FBXO42: variants seen among roughly 807,000 people sequenced by gnomAD.
FBXO42 encodes the protein F-box only protein 42.
In FBXO42, 12 loss-of-function variants were observed where a neutral mutation model predicts 71.7. The observed-to-expected ratio is 0.17, with a 90% CI of 0.11 to 0.27. The LOEUF (loss-of-function observed/expected upper bound fraction) is 0.27. Among genes scored for constraint, FBXO42 ranks in the 10% least tolerant of loss-of-function variants. The probability of loss-of-function intolerance (pLI) is 1.00; values close to 1 mark genes in which losing one functional copy is unlikely to be tolerated. For synonymous variants in FBXO42, 325 were observed against 327.5 expected (o/e 0.99, Z 0.08); for missense variants, 707 against 911.9 (o/e 0.78, Z 2.89).
At chr1:16,328,290 G>C (rs1321314456) in intron 1 of FBXO42, among the ~76,000 whole-genome samples, 1 of 152,138 alleles carries the variant, frequency 6.6e-6, no homozygotes, top group East Asian at 1.9e-4. Flanking sequence ...TGTAACCTAA[G>C]TAACTTTGGA....
intron 4 of FBXO42, among the ~76,000 whole-genome samples, chr1:16,260,126 A>T (rs1386174673): frequency 6.6e-6 from 1 of 151,818 alleles, no homozygotes; most frequent in Non-Finnish European, 1.5e-5. Flanking sequence ...AATGACAATT[A>T]TTGTTACTAT....
Position 16,315,153 on chromosome 1 carries a change from C to G in FBXO42, c.250+16G>C. The G allele has an allele frequency of 6.3e-7, 1 of 1,581,238 alleles. No individual in the cohort carries two copies. Among genetic ancestry groups the G allele is most frequent in the African/African-American group, 1.4e-5 (1 of 73,832 alleles). On this transcript the variant is annotated intron_variant, in intron 2 of 9. Transcript: ENST00000375592. The stretch of plus-strand genomic sequence containing the variant: ...ATTTGAAATCAATAAATAAACCTTT[C>G]TCCTATCCACAGTACCTTTGATAAG...
chr1:16,255,867 C>T (rs374043388), intron 5 of FBXO42, 46 bp from the exon 6 acceptor site: 4 of 1,371,442 alleles, frequency 2.9e-6, no homozygotes, highest in Non-Finnish European at 4.1e-6. Context: ...GCACCACACA[C>T]TTTATGTAAA....
At chr1:16,350,753 A>AGAAGAAAGAAAGAAAGAAAGAAAGAAAG (rs1553156680) in intron 1 of FBXO42, among the ~76,000 whole-genome samples, 1 of 28,872 alleles carries the variant, frequency 3.5e-5, no homozygotes, top group Non-Finnish European at 6.3e-5. Context: ...CAAAAAAAAA[A>AGAAGAAAGAAAGAAAGAAAGAAAGAAAG]AAAAAAAGAA....
At chr1:16,259,323 A>C (rs10489599) in intron 4 of FBXO42, among the ~76,000 whole-genome samples, 1 of 152,068 alleles carries the variant, frequency 6.6e-6, no homozygotes, top group African/African-American at 2.4e-5. Flanking sequence ...CTTGGAAATC[A>C]TCAGTACTAT....
Position 16,305,977 on chromosome 1 carries a change from T to C in FBXO42, c.251-58A>G. The C allele has an allele frequency of 1.5e-5, 18 of 1,178,478 alleles. 2 individuals are homozygous for C. In the South Asian group the frequency reaches 2.3e-4, roughly 15 times the overall value. 73.0% of individuals were successfully genotyped at this position (1,178,478 alleles called of 1,614,324 possible). A position where few individuals can be genotyped will look rare whatever the true frequency, so the allele number is the denominator to read the frequency against. On this transcript the variant is annotated intron_variant, in intron 2 of 9. Transcript: ENST00000375592. ...ACACTTAACTTATCCATCAAATTAT[T>C]AAAACTGTGTCTATTACCTGTTTTT...
chr1:16,326,520 C>CA (rs1053219796), intron 1 of FBXO42, among the ~76,000 whole-genome samples: 12 of 151,360 alleles, frequency 7.9e-5, no homozygotes, highest in Non-Finnish European at 1.3e-4. Flanking sequence ...TCCATCTCTA[C>CA]AAAAAATACA....
chr1:16,271,260 T>G (rs540601192), intron 4 of FBXO42, among the ~76,000 whole-genome samples: 80 of 33,924 alleles, frequency 2.4e-3, no homozygotes, highest in African/African-American at 0.011. Flanking sequence ...TGTGTGTTGG[T>G]GTGTGTGTGT....
At chr1:16,301,678 A>AC (rs1196151467) in intron 3 of FBXO42, among the ~76,000 whole-genome samples, 3 of 139,126 alleles carry the variant, frequency 2.2e-5, no homozygotes, top group African/African-American at 7.9e-5. Context: ...CTCAAAAAAA[A>AC]AAAAACAACA....
chr1:16,326,321 G>T (rs1339527865), intron 1 of FBXO42, among the ~76,000 whole-genome samples: 1 of 151,550 alleles, frequency 6.6e-6, no homozygotes, highest in Non-Finnish European at 1.5e-5. Flanking sequence ...CTCCCAAAGT[G>T]CTGGGATTAC....
chr1:16,316,994 T>C (rs1329079125), intron 1 of FBXO42, among the ~76,000 whole-genome samples: 3 of 152,086 alleles, frequency 2.0e-5, no homozygotes, highest in South Asian at 2.1e-4. Context: ...CAAAAGAAGA[T>C]AGAAGGCCGG....
At chr1:16,286,047 C>A (rs1553151615) in intron 4 of FBXO42, among the ~76,000 whole-genome samples, 1 of 151,630 alleles carries the variant, frequency 6.6e-6, no homozygotes. Flanking sequence ...CCACGCCCAG[C>A]TAATTTTTTT....
intron 4 of FBXO42, among the ~76,000 whole-genome samples, chr1:16,261,028 A>C (rs1343004080): frequency 6.6e-6 from 1 of 152,222 alleles, no homozygotes; most frequent in African/African-American, 2.4e-5. Context: ...TAAAGTCAGA[A>C]TATATCATGC....
chr1:16,250,673 T>A lies in FBXO42; in HGVS notation c.2151A>T (p.Arg717Ser). The change falls in exon 10 of 10, where the codon AGA becomes AGT. Residue 717 changes from arginine (R) to serine (S), a missense_variant. Physicochemically the swap from Arg to Ser is moderately radical, Grantham distance 110. Coordinates refer to ENST00000375592, the MANE Select transcript of FBXO42 (RefSeq NM_018994.3). The surrounding 1 kb of genome is among the most constrained non-coding windows in gnomAD (Gnocchi z 4.7). The stretch of plus-strand genomic sequence containing the variant: ...AAGGAAAGGGGTTTAGAACACATTA[T>A]CTCTTTGCTCGTACAAAGTACAAGG... The part of the protein sequence containing the change: ...TNALYFVRAK[R>S] 1.2e-6 allele frequency: 2 copies of A among 1,612,004 alleles called. No individual in the cohort carries two copies.
chr1:16,291,579 G>A (rs1156715184), intron 4 of FBXO42, among the ~76,000 whole-genome samples: 2 of 151,462 alleles, frequency 1.3e-5, no homozygotes, highest in African/African-American at 4.9e-5. Context: ...ATGGGGTTTC[G>A]CTATGTTGGC....
chr1:16,248,599 C>G lies in FBXO42; in HGVS notation c.*2071G>C, dbSNP rs1470939968. 1 of 152,200 alleles carries G rather than the reference C, an allele frequency of 6.6e-6. No homozygotes were observed. 9.4% of individuals were successfully genotyped at this position (152,200 alleles called of 1,614,324 possible). On this transcript the variant is annotated 3_prime_UTR_variant, in exon 10 of 10. Coordinates refer to ENST00000375592, the MANE Select transcript of FBXO42 (RefSeq NM_018994.3). ...TGAGTTTGGAGGCACAGTCCATGCA[C>G]AAACACAATGTCCTAACACAAGGTA...
chr1:16,315,039 G>T, intron 2 of FBXO42, 130 bp downstream of exon 2: 1 of 943,438 alleles, frequency 1.1e-6, no homozygotes, highest in Non-Finnish European at 1.6e-6. Context: ...AGAAAACCGG[G>T]TAGTATCGTC....
chr1:16,279,043 T>C (rs1009263494), intron 4 of FBXO42, among the ~76,000 whole-genome samples: 4 of 152,188 alleles, frequency 2.6e-5, no homozygotes, highest in African/African-American at 9.7e-5. Flanking sequence ...CCCAAAGTGC[T>C]GGGATTACAG....
chr1:16,318,969 C>T (rs775903563), intron 1 of FBXO42, among the ~76,000 whole-genome samples: 1 of 152,162 alleles, frequency 6.6e-6, no homozygotes, highest in Non-Finnish European at 1.5e-5. Flanking sequence ...TACAGATGGA[C>T]AGTAAGTCCT....
Sources: allele counts gnomAD v4.1 joint callset (sites outside exome capture counted in the v4.1 genomes callset), GRCh38; gene constraint gnomAD v4.1.1; non-coding constraint Gnocchi (gnomAD v3.1); transcripts MANE v1.5; gene names NCBI Gene and HGNC (gene_info 2026-07-23, HGNC 2026-07-21).